Variants in GRIK2 observed in about 807,000 individuals in gnomAD.
GRIK2 encodes glutamate receptor ionotropic, kainate 2.
Under a neutral mutation model 100.3 loss-of-function variants are expected in GRIK2, and 32 were observed. The observed-to-expected ratio is 0.32, with a 90% confidence interval of 0.24 to 0.43. The LOEUF is 0.43. Among genes scored for constraint, GRIK2 ranks in the 20% least tolerant of loss-of-function variants. The probability of loss-of-function intolerance (pLI) is 1.00; values close to 1 mark genes in which losing one functional copy is unlikely to be tolerated. For missense variants in GRIK2, 843 were observed against 1,114.9 expected, an observed-to-expected ratio of 0.76 and a Z score of 3.47; for synonymous variants, 417 against 389.4, an observed-to-expected ratio of 1.07 and a Z score of -0.83.
intron 3 of GRIK2, among the ~76,000 whole-genome samples, chr6:101,624,167 AT>A (rs1447141153): frequency 6.6e-6 from 1 of 152,086 alleles, no homozygotes; most frequent in Non-Finnish European, 1.5e-5. Flanking sequence ...TGAATCATAT[AT>A]TTTTAAATAA....
At chr6:101,855,733 G>A (rs1369218443) in intron 10 of GRIK2, among the ~76,000 whole-genome samples, 1 of 152,116 alleles carries the variant, frequency 6.6e-6, no homozygotes, top group African/African-American at 2.4e-5. Context: ...CAGTTTTAAT[G>A]AAAAGCCACT....
chr6:101,511,849 C>T (rs1582614521), intron 2 of GRIK2, among the ~76,000 whole-genome samples: 1 of 151,782 alleles, frequency 6.6e-6, no homozygotes, highest in Non-Finnish European at 1.5e-5. Context: ...TTTATGAACT[C>T]ACCTATGATC....
intron 7 of GRIK2, among the ~76,000 whole-genome samples, chr6:101,760,582 A>ATGTTTAATTATG (rs1337943592): frequency 1.6e-5 from 1 of 63,936 alleles, no homozygotes; most frequent in African/African-American, 1.1e-4. Flanking sequence ...AATTAATTAT[A>ATGTTTAATTATG]TATAATTATA....
At chr6:101,718,083 A>G (rs1774194417) in intron 7 of GRIK2, among the ~76,000 whole-genome samples, 2 of 151,922 alleles carry the variant, frequency 1.3e-5, no homozygotes, top group East Asian at 3.9e-4. Context: ...TTTTGGATTT[A>G]CAATGTTTAT....
At chr6:101,405,553 A>C (rs1465467069) in intron 2 of GRIK2, among the ~76,000 whole-genome samples, 1 of 152,204 alleles carries the variant, frequency 6.6e-6, no homozygotes, top group Non-Finnish European at 1.5e-5. Context: ...GAGACAATAA[A>C]GGAATATTCT....
chr6:101,916,336 C>T (rs1789101699), intron 12 of GRIK2, among the ~76,000 whole-genome samples: 1 of 151,272 alleles, frequency 6.6e-6, no homozygotes, highest in Non-Finnish European at 1.5e-5. Context: ...ATATCACAGA[C>T]TTTATGACCA....
intron 2 of GRIK2, among the ~76,000 whole-genome samples, chr6:101,535,482 GGTT>G (rs1775645403): frequency 6.6e-6 from 1 of 151,690 alleles, no homozygotes; most frequent in Non-Finnish European, 1.5e-5. Flanking sequence ...CTGTATCACA[GGTT>G]GGCTTTGTTT....
At chr6:101,467,394 A>G (rs901839740) in intron 2 of GRIK2, among the ~76,000 whole-genome samples, 1 of 152,212 alleles carries the variant, frequency 6.6e-6, no homozygotes, top group African/African-American at 2.4e-5. Flanking sequence ...TAAGCCAATT[A>G]GGAATAGTTT....
chr6:101,807,996 T>G (rs1467523626), intron 9 of GRIK2, among the ~76,000 whole-genome samples: 3 of 152,052 alleles, frequency 2.0e-5, no homozygotes, highest in Non-Finnish European at 4.4e-5. Context: ...TAAAATTGTT[T>G]TTTTGGTTTG....
chr6:101,505,090 A>C (rs906173205), intron 2 of GRIK2, among the ~76,000 whole-genome samples: 4 of 149,820 alleles, frequency 2.7e-5, no homozygotes, highest in Non-Finnish European at 3.0e-5. Flanking sequence ...TTTACTTGTC[A>C]TTAAGTTTAA....
At chr6:101,515,253 A>T (rs1311534999) in intron 2 of GRIK2, among the ~76,000 whole-genome samples, 10 of 152,024 alleles carry the variant, frequency 6.6e-5, no homozygotes, top group Admixed American at 3.9e-4. Flanking sequence ...GCTGTATAGG[A>T]TTCCATCAAA....
chr6:101,426,861 A>G (rs957182797), intron 2 of GRIK2, among the ~76,000 whole-genome samples: 2 of 152,132 alleles, frequency 1.3e-5, no homozygotes, highest in Admixed American at 1.3e-4. Context: ...AGTCCTACAT[A>G]ATCAGATTTT....
chr6:102,044,809 C>T (rs1240111384), intron 15 of GRIK2, among the ~76,000 whole-genome samples: 1 of 151,832 alleles, frequency 6.6e-6, no homozygotes, highest in Non-Finnish European at 1.5e-5. Flanking sequence ...TACCTTTTTT[C>T]ACTCTTCCTC....
intron 2 of GRIK2, among the ~76,000 whole-genome samples, chr6:101,619,834 T>C (rs1181426554): frequency 1.3e-5 from 2 of 152,108 alleles, no homozygotes; most frequent in African/African-American, 2.4e-5. Flanking sequence ...TAGTTTGTAG[T>C]GGAACAGGCA....
At chr6:101,849,862 GA>G (rs35599515) in intron 10 of GRIK2, among the ~76,000 whole-genome samples, 1 of 108,668 alleles carries the variant, frequency 9.2e-6, no homozygotes, top group Admixed American at 1.2e-4. Context: ...GTTCATTAAG[GA>G]AAAAAAAAGG....
At chr6:101,481,848 T>C (rs1453730012) in intron 2 of GRIK2, among the ~76,000 whole-genome samples, 1 of 152,152 alleles carries the variant, frequency 6.6e-6, no homozygotes, top group Non-Finnish European at 1.5e-5. Context: ...CATTGAATCA[T>C]AGAGGCAGTT....
chr6:102,047,504 C>CTT (rs1426529042), intron 15 of GRIK2, among the ~76,000 whole-genome samples: 2 of 152,060 alleles, frequency 1.3e-5, no homozygotes, highest in Non-Finnish European at 2.9e-5. Flanking sequence ...AATCTCAGTA[C>CTT]TTTGGGAGGC....
chr6:101,704,581 G>A (rs1322813334), intron 7 of GRIK2, among the ~76,000 whole-genome samples: 1 of 151,230 alleles, frequency 6.6e-6, no homozygotes, highest in African/African-American at 2.4e-5. Context: ...AAGTTATTTA[G>A]ACTTATTTGT....
intron 7 of GRIK2, among the ~76,000 whole-genome samples, chr6:101,696,451 T>G: frequency 6.6e-6 from 1 of 151,872 alleles, no homozygotes; most frequent in East Asian, 1.9e-4. Context: ...AAAAAAGTAC[T>G]CAACTCTGTT....
Sources: gnomAD v4.1 joint callset for allele counts (sites outside exome capture counted in the v4.1 genomes callset) on GRCh38, gnomAD v4.1.1 for gene constraint, MANE v1.5 for transcripts, NCBI Gene and HGNC (gene_info 2026-07-23, HGNC 2026-07-21) for gene names.